Variants in AHCY observed in about 807,000 individuals in gnomAD.
AHCY encodes the protein adenosylhomocysteinase.
A neutral mutation model predicts 45.4 loss-of-function variants in AHCY; 24 were observed. The observed-to-expected ratio is 0.53, with a 90% confidence interval of 0.38 to 0.74. The LOEUF (loss-of-function observed/expected upper bound fraction) is 0.74. AHCY is among the 30% of genes least tolerant of loss of function. AHCY has a pLI of 0.00. For synonymous variants in AHCY, 245 were observed against 235.1 expected (o/e 1.04, Z -0.39); for missense variants, 449 against 594.1 (o/e 0.76, Z 2.54).
At chr20:34,291,076 A>G in intron 5 of AHCY, 138 bp from the exon 6 acceptor site, 2 of 781,106 alleles carry the variant, frequency 2.6e-6, no homozygotes, top group Non-Finnish European at 4.2e-6. Flanking sequence ...CCCCTCCAGC[A>G]CCCAATGCCC....
the AHCY span, among the ~76,000 whole-genome samples, chr20:34,266,210 G>A: frequency 2.0e-5 from 3 of 151,990 alleles, no homozygotes; most frequent in East Asian, 3.9e-4. Context: ...AAATTAGCCG[G>A]AGGTGGTGGC....
At chr20:34,251,206 T>C in the AHCY span, among the ~76,000 whole-genome samples, 5 of 152,218 alleles carry the variant, frequency 3.3e-5, no homozygotes, top group Non-Finnish European at 5.9e-5. Context: ...GTCACACTTA[T>C]GCATTTGTAA....
chr20:34,305,437 A>G (rs1390681624), upstream of AHCY, among the ~76,000 whole-genome samples: 3 of 152,134 alleles, frequency 2.0e-5, no homozygotes, highest in Non-Finnish European at 1.5e-5. Flanking sequence ...GGCCGATGTC[A>G]AGCAGAGACT....
At chr20:34,300,840 G>A (rs188954827) in intron 1 of AHCY, among the ~76,000 whole-genome samples, 76 of 152,266 alleles carry the variant, frequency 5.0e-4, no homozygotes, top group Admixed American at 1.8e-3. Flanking sequence ...ACCAGACTGG[G>A]GTGGTGACCG....
At chr20:34,285,160 T>C (rs930059447) in intron 9 of AHCY, among the ~76,000 whole-genome samples, 1 of 152,140 alleles carries the variant, frequency 6.6e-6, no homozygotes, top group Non-Finnish European at 1.5e-5. Flanking sequence ...CTGTAAGTGG[T>C]GGGGCTGAGA....
At chr20:34,275,427 C>T (rs545408242), downstream of AHCY, among the ~76,000 whole-genome samples, 66 of 152,122 alleles carry the variant, frequency 4.3e-4, no homozygotes, top group South Asian at 0.013. Flanking sequence ...TCACCACACC[C>T]GGCCCTCTGT....
intron 1 of AHCY, among the ~76,000 whole-genome samples, chr20:34,300,706 A>G (rs1443327660): frequency 6.6e-6 from 1 of 152,218 alleles, no homozygotes; most frequent in East Asian, 1.9e-4. Flanking sequence ...GTCCCAGTGA[A>G]GTGGGGAACC....
intron 8 of AHCY, among the ~76,000 whole-genome samples, chr20:34,286,710 G>A (rs2036199101): frequency 6.6e-6 from 1 of 151,958 alleles, no homozygotes; most frequent in East Asian, 1.9e-4. Context: ...GCACATGCCT[G>A]TAATCCCAGC....
chr20:34,280,684 AC>A lies in AHCY; in HGVS notation c.*349del. On this transcript the variant is annotated 3_prime_UTR_variant, in exon 10 of 10. Coordinates refer to ENST00000217426, the MANE Select transcript of AHCY (RefSeq NM_000687.4). ...CAAGCACACAGGTATAAGTCCACAG[AC>A]CAGGTGAAGGCCTAGATGGCAAAAC... The A allele has an allele frequency of 2.7e-6, 1 of 371,696 alleles. No homozygotes were observed. The highest frequency in any genetic ancestry group is 5.2e-6 in the Non-Finnish European group (1 of 193,226). The allele number at this position is 371,696 out of a possible 1,614,324, so 23.0% of individuals were successfully genotyped here.
intron 3 of AHCY, chr20:34,293,737 G>C (rs2036479417): frequency 2.6e-6 from 1 of 391,104 alleles, no homozygotes; most frequent in South Asian, 2.1e-5. Context: ...CCTAGGCAGT[G>C]AACCTCTTTT....
chr20:34,245,769 T>TA, the AHCY span, among the ~76,000 whole-genome samples: 1 of 151,690 alleles, frequency 6.6e-6, no homozygotes, highest in Non-Finnish European at 1.5e-5. Context: ...CTTTGGCAAT[T>TA]AAAAAAACAA....
chr20:34,301,298 C>G (rs1307284049), intron 1 of AHCY, among the ~76,000 whole-genome samples: 1 of 151,724 alleles, frequency 6.6e-6, no homozygotes, highest in Non-Finnish European at 1.5e-5. Context: ...CCTCCACCAC[C>G]ACATGTCCCT....
At chr20:34,302,666 C>T in intron 1 of AHCY, 1 of 986,272 alleles carries the variant, frequency 1.0e-6, no homozygotes, top group Non-Finnish European at 1.2e-6. Context: ...AAATTTTCTT[C>T]GAGATTTCTG....
the AHCY span, among the ~76,000 whole-genome samples, chr20:34,266,825 C>T: frequency 6.6e-6 from 1 of 152,210 alleles, no homozygotes; most frequent in Non-Finnish European, 1.5e-5. Context: ...TTAACATTCA[C>T]GTACCACCTA....
intron 1 of AHCY, among the ~76,000 whole-genome samples, chr20:34,299,340 G>A (rs1189067237): frequency 6.6e-6 from 1 of 152,142 alleles, no homozygotes; most frequent in Non-Finnish European, 1.5e-5. Flanking sequence ...GTTTCTACCA[G>A]CAGCACAGAT....
chr20:34,269,648 G>GGAAA, the AHCY span, among the ~76,000 whole-genome samples: 1 of 151,524 alleles, frequency 6.6e-6, no homozygotes, highest in East Asian at 1.9e-4. Context: ...AAAAAAAAAC[G>GGAAA]GAAAGAAAGA....
the AHCY span, among the ~76,000 whole-genome samples, chr20:34,247,738 T>C: frequency 6.6e-6 from 1 of 152,110 alleles, no homozygotes. Context: ...CCTCCCAAGA[T>C]AGCTGAAACT....
the AHCY span, chr20:34,269,034 T>C: frequency 3.7e-6 from 6 of 1,607,576 alleles, no homozygotes; most frequent in Middle Eastern, 1.7e-4. Context: ...CGGACCCCCC[T>C]ATCTGCGCCC....
intron 9 of AHCY, among the ~76,000 whole-genome samples, chr20:34,284,748 G>A (rs773708376): frequency 5.3e-5 from 8 of 152,102 alleles, no homozygotes; most frequent in African/African-American, 9.7e-5. Context: ...GCTTGAACCC[G>A]GCAGGTGGAG....
Sources: gnomAD v4.1 joint callset for allele counts (sites outside exome capture counted in the v4.1 genomes callset) on GRCh38, gnomAD v4.1.1 for gene constraint, MANE v1.5 for transcripts, NCBI Gene and HGNC (gene_info 2026-07-23, HGNC 2026-07-21) for gene names.